MATN2: variants seen among roughly 807,000 people sequenced by gnomAD.
The protein encoded by MATN2 is matrilin-2.
In MATN2, 69 loss-of-function variants were observed where a neutral mutation model predicts 103.2. The ratio of observed to expected loss-of-function variants is 0.67; its 90% CI spans 0.55 to 0.82. The LOEUF is 0.82. MATN2 is among the 40% of genes least tolerant of loss of function. MATN2 has a pLI of 0.00. For missense variants in MATN2, 1,023 were observed against 1,211.5 expected (o/e 0.84, Z 2.31); for synonymous variants, 429 against 450.2 (o/e 0.95, Z 0.60).
At chr8:97,895,270 C>T (rs1217743627) in intron 2 of MATN2, among the ~76,000 whole-genome samples, 4 of 152,206 alleles carry the variant, frequency 2.6e-5, no homozygotes, top group African/African-American at 7.2e-5. Context: ...CTGTGAAGGA[C>T]GGAAAGCAGA....
chr8:97,894,536 G>T (rs1818742573), intron 2 of MATN2, among the ~76,000 whole-genome samples: 1 of 151,846 alleles, frequency 6.6e-6, no homozygotes. Context: ...TGCACAGACT[G>T]GTTTCAAATT....
chr8:97,871,527 C>T (rs1817898795), intron 1 of MATN2, among the ~76,000 whole-genome samples: 1 of 152,222 alleles, frequency 6.6e-6, no homozygotes, highest in Non-Finnish European at 1.5e-5. Flanking sequence ...CAGGAGCGTC[C>T]CTTCCAGGGA....
chr8:97,960,583 G>A (rs1041753859), intron 4 of MATN2, among the ~76,000 whole-genome samples: 21 of 152,126 alleles, frequency 1.4e-4, no homozygotes, highest in African/African-American at 4.1e-4. Context: ...ATAAGACCAC[G>A]AATAGACATG....
chr8:98,004,044 A>T, intron 8 of MATN2: 1 of 369,506 alleles, frequency 2.7e-6, no homozygotes, highest in Non-Finnish European at 5.2e-6. Flanking sequence ...ATCCCAGCAC[A>T]GGGAGGCCAA....
rs369483934 is a variant in MATN2, at chr8:97,893,036, G to A, written c.142+4794G>A. 2.0e-4 allele frequency among the ~76,000 whole-genome samples: 31 copies of A among 152,202 alleles called. 2 individuals carry two copies. The East Asian group carries it at 2.1e-3, about 10-fold the overall frequency. ...TAATTTAGGACCTCGAGGGCTCCAA[G>A]GAAGGAGTTTTGAGCTTCATTTTGC... On this transcript the variant is annotated intron_variant, in intron 2 of 18. Transcript: ENST00000254898.
intron 7 of MATN2, among the ~76,000 whole-genome samples, chr8:97,995,918 G>A (rs976396138): frequency 3.9e-5 from 6 of 152,306 alleles, no homozygotes; most frequent in African/African-American, 1.4e-4. Flanking sequence ...AATTAGATAA[G>A]CTATTTTTCA....
intron 5 of MATN2, 87 bp downstream of exon 5, chr8:97,961,617 A>G: frequency 7.3e-7 from 1 of 1,369,038 alleles, no homozygotes; most frequent in Admixed American, 2.9e-5. Flanking sequence ...CCTCCCACAT[A>G]TTTGTTTCCT....
intron 10 of MATN2, among the ~76,000 whole-genome samples, chr8:98,009,639 C>T (rs1337184787): frequency 6.6e-6 from 1 of 152,228 alleles, no homozygotes; most frequent in Non-Finnish European, 1.5e-5. Context: ...TGTCCCCTCC[C>T]TTCCTCCAGC....
At chr8:97,949,044 C>T (rs1378211278) in intron 4 of MATN2, among the ~76,000 whole-genome samples, 1 of 152,072 alleles carries the variant, frequency 6.6e-6, no homozygotes, top group Non-Finnish European at 1.5e-5. Flanking sequence ...ACAAACACCA[C>T]CATAAAAATG....
At chr8:97,915,408 T>C (rs1313147332) in intron 2 of MATN2, among the ~76,000 whole-genome samples, 1 of 152,206 alleles carries the variant, frequency 6.6e-6, no homozygotes, top group African/African-American at 2.4e-5. Context: ...AAGAGGGGAT[T>C]CCTGCAATGT....
At chr8:97,916,926 C>T (rs564904674) in intron 2 of MATN2, among the ~76,000 whole-genome samples, 5 of 152,184 alleles carry the variant, frequency 3.3e-5, no homozygotes, top group Admixed American at 1.3e-4. Context: ...TGTGATGTGG[C>T]GTGTTTTTCC....
chr8:97,879,851 T>G (rs1586369256), intron 1 of MATN2, among the ~76,000 whole-genome samples: 1 of 152,090 alleles, frequency 6.6e-6, no homozygotes, highest in Admixed American at 6.5e-5. Context: ...GCCTGAAGAT[T>G]GTGGATGGCC....
At chr8:97,888,633 G>A (rs1321267959) in intron 2 of MATN2, among the ~76,000 whole-genome samples, 2 of 152,144 alleles carry the variant, frequency 1.3e-5, no homozygotes, top group Non-Finnish European at 2.9e-5. Flanking sequence ...TAAGAGCTGG[G>A]CCAGAAGAGA....
At chr8:97,873,487 A>T (rs1030739962) in intron 1 of MATN2, among the ~76,000 whole-genome samples, 1 of 151,686 alleles carries the variant, frequency 6.6e-6, no homozygotes, top group Non-Finnish European at 1.5e-5. Context: ...TTGCAACACC[A>T]TGCCCTGCTA....
At chr8:97,892,306 G>T (rs1563649689) in intron 2 of MATN2, among the ~76,000 whole-genome samples, 2 of 147,420 alleles carry the variant, frequency 1.4e-5, no homozygotes, top group East Asian at 4.1e-4. Context: ...CCAGCTAATT[G>T]AAATGCTTAG....
chr8:97,958,249 A>T (rs1360515258), intron 4 of MATN2, among the ~76,000 whole-genome samples: 1 of 152,240 alleles, frequency 6.6e-6, no homozygotes, highest in East Asian at 1.9e-4. Context: ...CATGGTAGGT[A>T]GGGTTCCTGC....
At position 98,018,637 on chromosome 8, in the gene MATN2, A is replaced by C. The variant is rs559902424; in HGVS notation, c.1819+521A>C. On this transcript the variant is annotated intron_variant, in intron 12 of 18. Transcript: ENST00000254898. ...GCTGGAGAGGCCTCAAAATCATGGC[A>C]GAAGGTGACGGGCACATCTCACATG... Among the ~76,000 whole-genome samples, 5 of 152,350 alleles carry C rather than the reference A, an allele frequency of 3.3e-5. No homozygotes were observed. In the East Asian group the frequency reaches 9.6e-4, roughly 29 times the overall value.
chr8:98,021,178 T>C lies in MATN2; in HGVS notation c.1820-27T>C, dbSNP rs1292416379. ...TCACCTCATTTCTACACTGATGGGATTGTTCAACTCCCTACATTTTCCTCA... is the reference window on the plus strand; with the variant it reads ...TCACCTCATTTCTACACTGATGGGACTGTTCAACTCCCTACATTTTCCTCA... On this transcript the variant is annotated intron_variant, in intron 12 of 18. Coordinates refer to ENST00000254898, the MANE Select transcript of MATN2 (RefSeq NM_002380.5). 14 of 1,609,702 alleles carry C rather than the reference T, an allele frequency of 8.7e-6. No homozygotes were observed. In the Admixed American group the frequency reaches 1.3e-4, roughly 15 times the overall value.
At chr8:97,936,012 G>A (rs1810359365) in intron 3 of MATN2, among the ~76,000 whole-genome samples, 1 of 152,134 alleles carries the variant, frequency 6.6e-6, no homozygotes, top group Non-Finnish European at 1.5e-5. Context: ...CACAGTGGAG[G>A]CTTTATACTT....
Sources: allele counts gnomAD v4.1 joint callset (sites outside exome capture counted in the v4.1 genomes callset), GRCh38; gene constraint gnomAD v4.1.1; transcripts MANE v1.5; gene names NCBI Gene and HGNC (gene_info 2026-07-23, HGNC 2026-07-21).